The following ITGBL1 variants were observed in gnomAD, a reference collection of about 807,000 sequenced individuals.
ITGBL1 encodes the protein integrin subunit beta like 1, also known as integrin beta-like protein 1.
ITGBL1 carries 51 observed loss-of-function variants against 68.5 expected under a neutral mutation model. The ratio of observed to expected loss-of-function variants is 0.74; its 90% CI spans 0.59 to 0.94. ITGBL1 has a LOEUF of 0.94. Among genes scored for constraint, ITGBL1 ranks in the 40% least tolerant of loss-of-function variants. ITGBL1 has a pLI of 0.00. For missense variants in ITGBL1, 649 were observed against 647.4 expected (o/e 1.00, Z -0.03); for synonymous variants, 209 against 227.3 (o/e 0.92, Z 0.72).
chr13:101,604,919 T>G, intron 7 of ITGBL1, among the ~76,000 whole-genome samples: 1 of 86,486 alleles, frequency 1.2e-5, no homozygotes, highest in Non-Finnish European at 2.5e-5. Flanking sequence ...TGTGCATATA[T>G]GTGTGTATAT....
chr13:101,543,426 A>T (rs1041590833), intron 2 of ITGBL1, among the ~76,000 whole-genome samples: 3 of 152,154 alleles, frequency 2.0e-5, no homozygotes, highest in African/African-American at 7.2e-5. Context: ...CCGAGAGATC[A>T]GCTGTTAGTC....
At chr13:101,677,031 C>T (rs556310675) in intron 7 of ITGBL1, among the ~76,000 whole-genome samples, 39 of 151,966 alleles carry the variant, frequency 2.6e-4, no homozygotes, top group African/African-American at 8.9e-4. Flanking sequence ...TGCTGAGGCA[C>T]GAGAATTGCT....
At chr13:101,465,853 C>T (rs1268491476) in intron 2 of ITGBL1, among the ~76,000 whole-genome samples, 1 of 152,070 alleles carries the variant, frequency 6.6e-6, no homozygotes, top group Non-Finnish European at 1.5e-5. Flanking sequence ...ATTTAAATTA[C>T]CATTATGGCT....
intron 7 of ITGBL1, among the ~76,000 whole-genome samples, chr13:101,671,450 T>G (rs1301418214): frequency 4.6e-5 from 6 of 129,676 alleles, no homozygotes; most frequent in Non-Finnish European, 6.7e-5. Flanking sequence ...TTTTTTTGTT[T>G]TTTTTTGAGA....
At chr13:101,642,443 A>T (rs2032414040) in intron 7 of ITGBL1, among the ~76,000 whole-genome samples, 2 of 151,942 alleles carry the variant, frequency 1.3e-5, no homozygotes, top group South Asian at 4.2e-4. Context: ...GTTTGAGTTC[A>T]TTGTAGATTC....
At chr13:101,534,607 A>G (rs1240522075) in intron 2 of ITGBL1, among the ~76,000 whole-genome samples, 1 of 152,174 alleles carries the variant, frequency 6.6e-6, no homozygotes, top group Non-Finnish European at 1.5e-5. Flanking sequence ...AAGAAATCTT[A>G]GTTCATGATG....
intron 7 of ITGBL1, among the ~76,000 whole-genome samples, chr13:101,611,433 T>C (rs1159455812): frequency 6.6e-6 from 1 of 152,174 alleles, no homozygotes; most frequent in Non-Finnish European, 1.5e-5. Flanking sequence ...CCAAAATTGT[T>C]TTATTCGAAG....
intron 2 of ITGBL1, among the ~76,000 whole-genome samples, chr13:101,554,545 T>C (rs2049974534): frequency 6.6e-6 from 1 of 152,220 alleles, no homozygotes; most frequent in African/African-American, 2.4e-5. Context: ...TTTGAAGCAA[T>C]TATGGTTGTT....
intron 8 of ITGBL1, among the ~76,000 whole-genome samples, chr13:101,704,808 T>A (rs1393784131): frequency 6.6e-6 from 1 of 152,274 alleles, no homozygotes; most frequent in Non-Finnish European, 1.5e-5. Context: ...TGCATGCTAC[T>A]TTTAAACTTT....
intron 7 of ITGBL1, among the ~76,000 whole-genome samples, chr13:101,627,278 C>A (rs2031818539): frequency 6.6e-6 from 1 of 151,886 alleles, no homozygotes; most frequent in South Asian, 2.1e-4. Context: ...TATTTCAATG[C>A]TTTTTGTAAT....
At chr13:101,694,119 A>G (rs1238264412) in intron 8 of ITGBL1, among the ~76,000 whole-genome samples, 1 of 152,186 alleles carries the variant, frequency 6.6e-6, no homozygotes, top group Non-Finnish European at 1.5e-5. Context: ...TATTTAGTTC[A>G]CAGATCGTTC....
intron 7 of ITGBL1, among the ~76,000 whole-genome samples, chr13:101,644,699 G>GT (rs1213089447): frequency 6.6e-6 from 1 of 152,106 alleles, no homozygotes; most frequent in African/African-American, 2.4e-5. Context: ...TGAACAAAAT[G>GT]TAACTACGCC....
At chr13:101,577,217 T>A (rs1291309826) in intron 4 of ITGBL1, among the ~76,000 whole-genome samples, 2 of 152,206 alleles carry the variant, frequency 1.3e-5, no homozygotes, top group Non-Finnish European at 2.9e-5. Flanking sequence ...GGATTGTAAA[T>A]CTTTCCATGT....
At chr13:101,699,784 C>G (rs1339861426) in intron 8 of ITGBL1, among the ~76,000 whole-genome samples, 1 of 152,204 alleles carries the variant, frequency 6.6e-6, no homozygotes, top group Non-Finnish European at 1.5e-5. Context: ...CCTGGGTGTT[C>G]CTCTTACAGG....
chr13:101,584,553 G>C (rs1434689074), intron 6 of ITGBL1, among the ~76,000 whole-genome samples: 1 of 152,120 alleles, frequency 6.6e-6, no homozygotes, highest in Admixed American at 6.5e-5. Flanking sequence ...AACTTCAAAG[G>C]CTTCTCCAGA....
intron 2 of ITGBL1, among the ~76,000 whole-genome samples, chr13:101,564,388 C>T (rs187341481): frequency 6.6e-6 from 1 of 151,776 alleles, no homozygotes; most frequent in Non-Finnish European, 1.5e-5. Context: ...AAACCTTTTA[C>T]TCTTCAAAAG....
chr13:101,524,526 T>A (rs1421162945), intron 2 of ITGBL1, among the ~76,000 whole-genome samples: 2 of 152,104 alleles, frequency 1.3e-5, no homozygotes, highest in Non-Finnish European at 2.9e-5. Context: ...CCAATTGACA[T>A]ATAGTTGTCA....
intron 2 of ITGBL1, among the ~76,000 whole-genome samples, chr13:101,520,032 G>A (rs577339174): frequency 6.6e-6 from 1 of 152,152 alleles, no homozygotes; most frequent in African/African-American, 2.4e-5. Context: ...TGCTTTTTGA[G>A]TTTAGGGTTG....
intron 6 of ITGBL1, among the ~76,000 whole-genome samples, chr13:101,585,959 G>A (rs770288374): frequency 8.6e-5 from 13 of 152,012 alleles, no homozygotes; most frequent in Admixed American, 3.3e-4. Context: ...ACATTATAGC[G>A]ATAATTCAGG....
Sources: gnomAD v4.1 joint callset for allele counts (sites outside exome capture counted in the v4.1 genomes callset) on GRCh38, gnomAD v4.1.1 for gene constraint, MANE v1.5 for transcripts, NCBI Gene and HGNC (gene_info 2026-07-23, HGNC 2026-07-21) for gene names.